GSE1: variants seen among roughly 807,000 people sequenced by gnomAD.
The protein encoded by GSE1 is genetic suppressor element 1.
GSE1 carries 32 observed loss-of-function variants against 112.6 expected under a neutral mutation model. The observed-to-expected ratio is 0.28, with a 90% CI of 0.21 to 0.38. The LOEUF (loss-of-function observed/expected upper bound fraction) is 0.38. Ranked by LOEUF, GSE1 falls within the 10% of genes least tolerant of loss-of-function variation. The pLI is 1.00. For missense variants in GSE1, 2,348 were observed against 1,699.2 expected (o/e 1.38, Z -6.71); for synonymous variants, 1,115 against 735.6 (o/e 1.52, Z -8.35).
At chr16:85,589,186 G>A (rs570939936) in intron 1 of GSE1, among the ~76,000 whole-genome samples, 5 of 152,196 alleles carry the variant, frequency 3.3e-5, no homozygotes, top group East Asian at 1.9e-4. Context: ...TGAAAGGAAC[G>A]TTGGTGACCA....
At chr16:85,535,687 G>A (rs2044301638) in intron 2 of GSE1, among the ~76,000 whole-genome samples, 2 of 152,182 alleles carry the variant, frequency 1.3e-5, no homozygotes, top group Admixed American at 1.3e-4. Flanking sequence ...CTGACCTGGA[G>A]CTGCATGTGT....
chr16:85,667,169 C>T (rs749908337), intron 13 of GSE1, among the ~76,000 whole-genome samples: 12 of 151,170 alleles, frequency 7.9e-5, no homozygotes, highest in African/African-American at 9.9e-5. Flanking sequence ...AGAATACCCT[C>T]CCTCCCTGCC....
At chr16:85,658,898 C>A (rs1028772138) in intron 8 of GSE1, among the ~76,000 whole-genome samples, 1 of 152,236 alleles carries the variant, frequency 6.6e-6, no homozygotes, top group Admixed American at 6.5e-5. Flanking sequence ...CCCATCCGGA[C>A]CTGGGGCATG....
chr16:85,238,527 C>T lies in GSE1; in HGVS notation c.2283+66720C>T, dbSNP rs1004561226. Among the ~76,000 whole-genome samples, 9 of 152,276 alleles carry T rather than the reference C, an allele frequency of 5.9e-5. No homozygotes were observed. The East Asian group carries it at 9.7e-4, about 16-fold the overall frequency. ...CCTCGGCGTGTGTCCTGGGAAGGGG[C>T]GTTGGAAGCCTCTCTGCTTGTCTTG... is the stretch of plus-strand genomic sequence containing the variant. On this transcript the variant is annotated intron_variant, in intron 1 of 2. Transcript: ENST00000637419.
At chr16:85,570,258 C>T (rs1397058120) in intron 1 of GSE1, among the ~76,000 whole-genome samples, 2 of 152,104 alleles carry the variant, frequency 1.3e-5, no homozygotes, top group Non-Finnish European at 2.9e-5. Context: ...TGGAGGAGGT[C>T]CTCAGAGCCT....
rs765151964 is a variant in GSE1 at position 85,666,048 on chromosome 16, C to G, written c.2831C>G (p.Pro944Arg). The change falls in exon 13 of 16, where the codon CCA (proline) becomes CGA (arginine). Residue 944 changes from proline to arginine, a missense_variant. By Grantham distance (103) the Pro-to-Arg change is moderately radical. Transcript: ENST00000253458. The part of the protein sequence containing the change: ...VGVAASLSDI[P>R]KAAEPGKLEQ... ...GTTGCTGCTTCCTTGTCTGACATCC[C>G]AAAGGCCGCGGAGCCTGGGAAGCTG... is the stretch of plus-strand genomic sequence containing the variant. The G allele has an allele frequency of 1.7e-5, 28 of 1,613,652 alleles. No homozygotes were observed. Among genetic ancestry groups the G allele is most frequent in the Non-Finnish European group, 2.4e-5 (28 of 1,180,028 alleles).
At chr16:85,585,244 C>T (rs888154184) in intron 1 of GSE1, among the ~76,000 whole-genome samples, 1 of 152,202 alleles carries the variant, frequency 6.6e-6, no homozygotes, top group Non-Finnish European at 1.5e-5. Context: ...GTGTCACCGG[C>T]GTCCTGGGGT....
chr16:85,392,135 T>C (rs2047852963), intron 2 of GSE1, among the ~76,000 whole-genome samples: 1 of 152,128 alleles, frequency 6.6e-6, no homozygotes. Flanking sequence ...CTGCCCTTGA[T>C]CCTTGTCCTG....
intron 2 of GSE1, among the ~76,000 whole-genome samples, chr16:85,648,306 G>A (rs1328606388): frequency 6.6e-6 from 1 of 152,160 alleles, no homozygotes; most frequent in African/African-American, 2.4e-5. Context: ...TTTGTGCCAC[G>A]TGAGCAGGGC....
chr16:85,420,459 C>A (rs1169775461), intron 2 of GSE1, among the ~76,000 whole-genome samples: 1 of 152,102 alleles, frequency 6.6e-6, no homozygotes, highest in African/African-American at 2.4e-5. Flanking sequence ...CCCTCCCCAT[C>A]GCCATGTCTC....
intron 1 of GSE1, among the ~76,000 whole-genome samples, chr16:85,290,635 C>G (rs1207376881): frequency 1.3e-5 from 2 of 152,132 alleles, no homozygotes; most frequent in Admixed American, 6.5e-5. Flanking sequence ...AAGGGAGCAC[C>G]TTTTTCCAAC....
rs553677400 is a variant in GSE1, at chr16:85,180,643, T to TTAA, written c.2283+8837_2283+8839dup. Among the ~76,000 whole-genome samples, 13 of 152,052 alleles carry TTAA rather than the reference T, an allele frequency of 8.5e-5. 1 individual carries two copies. Among genetic ancestry groups the TTAA allele is most frequent in the Admixed American group, 7.2e-4 (11 of 15,268 alleles). The stretch of plus-strand genomic sequence containing the variant: ...ACAAGGCAATGGAGGCACAGAGAGG[T>TTAA]TAAGTCACTTGCCCAAAGTCACACA... On this transcript the variant is annotated intron_variant, in intron 1 of 2. Coordinates refer to the GSE1 transcript ENST00000637419.
Position 85,239,939 on chromosome 16 carries a change from CCTT to C in GSE1, c.2283+68135_2283+68137del, listed in dbSNP as rs1423258805. Among the ~76,000 whole-genome samples the C allele has an allele frequency of 8.5e-5, 13 of 152,366 alleles. No homozygotes were observed. The East Asian group carries it at 2.3e-3, about 27-fold the overall frequency. ...TTGGTCTGCTGGTAACGGGGTGCAT[CCTT>C]CTGCATCAGAGCATCAGGCCTGACA... On this transcript the variant is annotated intron_variant, in intron 1 of 2. Coordinates refer to the GSE1 transcript ENST00000637419.
chr16:85,316,205 G>A (rs75259411), intron 1 of GSE1, among the ~76,000 whole-genome samples: 6,243 of 152,322 alleles, frequency 0.041, 174 homozygotes, highest in Middle Eastern at 0.075. Context: ...TACTAGCCAC[G>A]CTTTTAAAAA....
chr16:85,619,949 T>C (rs2048625843), intron 1 of GSE1, among the ~76,000 whole-genome samples: 1 of 151,972 alleles, frequency 6.6e-6, no homozygotes. Flanking sequence ...TCCCACCCGC[T>C]CTCCCTTAGA....
chr16:85,656,519 GGGAGCAGCGGGCCCGGGAGAA>G lies in GSE1; in HGVS notation c.1172_1192del (p.Gln391_Glu397del), dbSNP rs2051967986. The G allele has an allele frequency of 1.3e-6, 2 of 1,549,224 alleles. No individual in the cohort carries two copies. Among genetic ancestry groups the G allele is most frequent in the African/African-American group, 2.7e-5 (2 of 73,138 alleles). On this transcript the variant is annotated inframe_deletion, in exon 7 of 16. Coordinates refer to ENST00000253458, the MANE Select transcript of GSE1 (RefSeq NM_014615.5). ...CGCGAGCGCGAGCTGGAGCGCCAGC[GGGAGCAGCGGGCCCGGGAGAA>G]GGAGCTGCTGGCCGCCAAGGCCCTG...
At chr16:85,574,042 G>A (rs1033673667) in intron 1 of GSE1, among the ~76,000 whole-genome samples, 1 of 152,178 alleles carries the variant, frequency 6.6e-6, no homozygotes, top group Non-Finnish European at 1.5e-5. Context: ...CTTGGGAGAG[G>A]CCCGCTCCCC....
intron 3 of GSE1, among the ~76,000 whole-genome samples, chr16:85,653,302 CCTA>C (rs1450529848): frequency 6.5e-4 from 4 of 6,178 alleles, no homozygotes; most frequent in African/African-American, 2.3e-3. Context: ...TCCTCCTCCT[CCTA>C]CCCCCTCCTC....
chr16:85,628,491 G>A (rs2049264455), intron 1 of GSE1, among the ~76,000 whole-genome samples: 1 of 152,146 alleles, frequency 6.6e-6, no homozygotes, highest in South Asian at 2.1e-4. Flanking sequence ...GTGACACTGA[G>A]GTAGCCTCAG....
Sources: gnomAD v4.1 joint callset for allele counts (sites outside exome capture counted in the v4.1 genomes callset) on GRCh38, gnomAD v4.1.1 for gene constraint, MANE v1.5 for transcripts, NCBI Gene and HGNC (gene_info 2026-07-23, HGNC 2026-07-21) for gene names.